ZNF532: variants seen among roughly 807,000 people sequenced by gnomAD.
The protein encoded by ZNF532 is zinc finger protein 532.
A neutral mutation model predicts 89.3 loss-of-function variants in ZNF532; 22 were observed. That is an observed-to-expected ratio of 0.25 (90% CI 0.18 to 0.35). ZNF532 has a LOEUF of 0.35. ZNF532 is among the 10% of genes least tolerant of loss of function. The pLI, the probability that ZNF532 is intolerant of heterozygous loss-of-function variation, is 1.00. For synonymous variants in ZNF532, 606 were observed against 649.6 expected (o/e 0.93, Z 1.02); for missense variants, 1,132 against 1,643.4 (o/e 0.69, Z 5.38).
chr18:58,891,228 C>A (rs1013428531), intron 2 of ZNF532, among the ~76,000 whole-genome samples: 5 of 151,820 alleles, frequency 3.3e-5, no homozygotes, highest in African/African-American at 1.2e-4. Flanking sequence ...CTCTCTCTTT[C>A]CTCTTAAAAG....
intron 2 of ZNF532, among the ~76,000 whole-genome samples, chr18:58,868,309 T>C (rs1277315084): frequency 6.6e-6 from 1 of 152,234 alleles, no homozygotes; most frequent in Admixed American, 6.5e-5. Flanking sequence ...AACTAAGTCA[T>C]GGTTAAAGAA....
chr18:58,983,187 A>G (rs965762283), intron 9 of ZNF532, among the ~76,000 whole-genome samples: 2 of 152,170 alleles, frequency 1.3e-5, no homozygotes, highest in Non-Finnish European at 2.9e-5. Context: ...CAGAGCAGAA[A>G]AGCTGGGGCA....
intron 6 of ZNF532, among the ~76,000 whole-genome samples, chr18:58,950,768 A>C (rs541644426): frequency 1.3e-4 from 20 of 152,318 alleles, no homozygotes; most frequent in African/African-American, 4.3e-4. Flanking sequence ...CTAAGGAAAA[A>C]TCAATTTGAA....
In ZNF532 at chr18:58,947,267, A is replaced by G. The variant is rs554109233; in HGVS notation, c.2706-800A>G. 3.1e-3 allele frequency among the ~76,000 whole-genome samples: 475 copies of G among 152,302 alleles called. 4 individuals are homozygous for G. The highest frequency in any genetic ancestry group is 6.5e-3 in the Admixed American group (100 of 15,290). ...TCCATTGGAGGCAGAGGCCGGCAGC[A>G]GGGTAGACGCAGCCCTTTACCCTCT... On this transcript the variant is annotated intron_variant, in intron 5 of 9. Transcript: ENST00000591808.
intron 2 of ZNF532, among the ~76,000 whole-genome samples, chr18:58,886,004 T>TCTCGTTCTGTCATCGC (rs2058278082): frequency 6.6e-6 from 1 of 151,978 alleles, no homozygotes; most frequent in African/African-American, 2.4e-5. Context: ...TGAGACGGAG[T>TCTCGTTCTGTCATCGC]CTCGTTCTGT....
intron 2 of ZNF532, among the ~76,000 whole-genome samples, chr18:58,887,127 T>G (rs2058358812): frequency 6.6e-6 from 1 of 152,142 alleles, no homozygotes; most frequent in Middle Eastern, 3.2e-3. Flanking sequence ...GATGATGGAG[T>G]TCTGATAGCT....
intron 6 of ZNF532, among the ~76,000 whole-genome samples, chr18:58,951,965 T>A (rs2064252525): frequency 6.6e-6 from 1 of 152,192 alleles, no homozygotes; most frequent in Admixed American, 6.5e-5. Context: ...AGCCCCCTTT[T>A]ATGGGCCACT....
intron 3 of ZNF532, among the ~76,000 whole-genome samples, chr18:58,928,237 G>A (rs905075614): frequency 2.6e-5 from 4 of 152,066 alleles, no homozygotes; most frequent in African/African-American, 9.7e-5. Context: ...CTCCCCTTAC[G>A]CATGCCTTTA....
chr18:58,941,650 G>A (rs562871203), intron 5 of ZNF532, among the ~76,000 whole-genome samples: 2 of 151,482 alleles, frequency 1.3e-5, no homozygotes, highest in Non-Finnish European at 2.9e-5. Context: ...TAAGTTTTCT[G>A]TAAAGATGGG....
chr18:58,964,539 G>C (rs1023375448), intron 7 of ZNF532, among the ~76,000 whole-genome samples: 1 of 78,080 alleles, frequency 1.3e-5, no homozygotes, highest in South Asian at 3.8e-4. Flanking sequence ...TTTTGTTTGT[G>C]TGTGTGTGTG....
At chr18:58,922,600 C>T (rs2061196513) in intron 3 of ZNF532, among the ~76,000 whole-genome samples, 1 of 152,228 alleles carries the variant, frequency 6.6e-6, no homozygotes, top group Non-Finnish European at 1.5e-5. Context: ...GTCCTCCCAT[C>T]TTGACACCGC....
chr18:58,985,153 C>T lies in ZNF532; in HGVS notation c.*687C>T, dbSNP rs1180985139. The T allele has an allele frequency of 6.6e-6, 1 of 152,096 alleles. No homozygotes were observed. The highest frequency in any genetic ancestry group is 1.5e-5 in the Non-Finnish European group (1 of 68,012). The allele number at this position is 152,096 out of a possible 1,614,324, so 9.4% of individuals were successfully genotyped here. ...GGAATCTAATAAGGAATGCTGATTT[C>T]CTCAGTTCCATTTTGAGGAATGGGG... is the stretch of plus-strand genomic sequence containing the variant. On this transcript the variant is annotated 3_prime_UTR_variant, in exon 10 of 10. Coordinates refer to ENST00000591808, the MANE Select transcript of ZNF532 (RefSeq NM_001375912.1).
intron 2 of ZNF532, among the ~76,000 whole-genome samples, chr18:58,867,637 C>T (rs141522778): frequency 6.6e-5 from 10 of 152,234 alleles, no homozygotes; most frequent in Middle Eastern, 3.4e-3. Context: ...GAGCCCAGCC[C>T]CTGGTCGGCA....
At chr18:58,892,239 TG>T (rs2058953553) in intron 2 of ZNF532, among the ~76,000 whole-genome samples, 2 of 152,230 alleles carry the variant, frequency 1.3e-5, no homozygotes, top group South Asian at 4.1e-4. Flanking sequence ...GAGTTATTTT[TG>T]TAAGAATTTA....
chr18:58,888,875 ATTATATATATATATTT>A (rs2058657249), intron 2 of ZNF532, among the ~76,000 whole-genome samples: 1 of 53,232 alleles, frequency 1.9e-5, no homozygotes, highest in Non-Finnish European at 3.2e-5. Context: ...TATAATATAT[ATTATATATATATATTT>A]TATATATATA....
chr18:58,958,939 GC>G (rs1193761800), intron 7 of ZNF532, among the ~76,000 whole-genome samples: 1 of 152,286 alleles, frequency 6.6e-6, no homozygotes, highest in African/African-American at 2.4e-5. Flanking sequence ...GTTCTAGAAG[GC>G]CTTTTAGGAA....
intron 3 of ZNF532, among the ~76,000 whole-genome samples, chr18:58,928,618 AG>A (rs2061713920): frequency 6.6e-6 from 1 of 152,228 alleles, no homozygotes; most frequent in Non-Finnish European, 1.5e-5. Flanking sequence ...TGGAGGAGAC[AG>A]TGGCAGAGGG....
rs1288086071 is a variant in ZNF532 at position 58,934,524 on chromosome 18, G to A, written c.2438G>A (p.Cys813Tyr). Residue 813 changes from cysteine to tyrosine, a missense_variant, in exon 4 of 10, where the codon TGC becomes TAC. This residue lies in a region of ZNF532 where 1 missense variants were observed against 24.8 expected (regional missense o/e 0.04). Transcript: ENST00000591808. ...RIHQHKSPYT[C>Y]PECGAICRSV... Reference sequence around the variant, plus strand: ...CATCAGCACAAATCTCCCTACACCTGCCCTGAGTGTGGGGCCATCTGCAGG... The same window carrying A: ...CATCAGCACAAATCTCCCTACACCTACCCTGAGTGTGGGGCCATCTGCAGG... 1 of 1,614,050 alleles carries A rather than the reference G, an allele frequency of 6.2e-7. No homozygotes were observed. The highest frequency in any genetic ancestry group is 1.7e-5 in the Admixed American group (1 of 60,018).
chr18:58,878,909 ACTT>A (rs2057658570), intron 2 of ZNF532, among the ~76,000 whole-genome samples: 1 of 152,090 alleles, frequency 6.6e-6, no homozygotes, highest in South Asian at 2.1e-4. Flanking sequence ...CCTTAGTAGA[ACTT>A]CTTTCCTATA....
Sources: gnomAD v4.1 joint callset for allele counts (sites outside exome capture counted in the v4.1 genomes callset) on GRCh38, gnomAD v4.1.1 for gene constraint, gnomAD v4.1.1 regional missense constraint, MANE v1.5 for transcripts, NCBI Gene and HGNC (gene_info 2026-07-23, HGNC 2026-07-21) for gene names.